The following ODR4 variants were observed in gnomAD, a reference collection of about 807,000 sequenced individuals.
The protein encoded by ODR4 is protein odr-4 homolog.
Under a neutral mutation model 60.2 loss-of-function variants are expected in ODR4, and 47 were observed. The ratio of observed to expected loss-of-function variants is 0.78; its 90% CI spans 0.62 to 1.00. The LOEUF is 1.00. Among genes scored for constraint, ODR4 ranks in the 50% least tolerant of loss-of-function variants. The pLI is 0.00. For synonymous variants in ODR4, 178 were observed against 175.5 expected (o/e 1.01, Z -0.11); for missense variants, 488 against 530.8 (o/e 0.92, Z 0.79).
At chr1:186,392,785 T>G (rs887620287) in intron 8 of ODR4, among the ~76,000 whole-genome samples, 6 of 152,122 alleles carry the variant, frequency 3.9e-5, no homozygotes, top group African/African-American at 1.4e-4. Context: ...GGCAGATCAC[T>G]TGAGGTCAGG....
In ODR4 at chr1:186,393,811, T is replaced by C; in HGVS notation, c.712-136T>C. ...TACAGAATACATAAAGTAATATCTA[T>C]ATAAAAAGCTAAATTAAAATAATTA... On this transcript the variant is annotated intron_variant, in intron 8 of 13. Transcript: ENST00000287859. 4.9e-6 allele frequency: 3 copies of C among 611,444 alleles called. 1 individual carries two copies. The South Asian group carries it at 5.9e-5, about 12-fold the overall frequency. 37.9% of individuals were successfully genotyped at this position (611,444 alleles called of 1,614,324 possible).
chr1:186,418,762 C>G (rs1024285333), intron 13 of ODR4, among the ~76,000 whole-genome samples: 1 of 152,182 alleles, frequency 6.6e-6, no homozygotes, highest in Non-Finnish European at 1.5e-5. Flanking sequence ...AGATACGTCT[C>G]AGTGCACATG....
At chr1:186,399,222 TTAGAC>T (rs1262129654) in intron 11 of ODR4, 178 bp downstream of exon 11, 5 of 605,790 alleles carry the variant, frequency 8.3e-6, no homozygotes, top group African/African-American at 3.7e-5. Context: ...TTTTTTTTTT[TTAGAC>T]AGAGTCTCAC....
intron 3 of ODR4, among the ~76,000 whole-genome samples, chr1:186,385,738 T>C (rs1660227789): frequency 1.3e-5 from 2 of 152,164 alleles, no homozygotes; most frequent in Non-Finnish European, 2.9e-5. Context: ...GTCTGAAATA[T>C]CAATCTAAAA....
At chr1:186,376,612 G>A (rs557213001) in intron 1 of ODR4, among the ~76,000 whole-genome samples, 2 of 152,266 alleles carry the variant, frequency 1.3e-5, no homozygotes, top group South Asian at 4.1e-4. Flanking sequence ...ATAAATGGAA[G>A]CATTTTATGA....
intron 9 of ODR4, 69 bp from the exon 10 acceptor site, chr1:186,398,244 T>C (rs1288815954): frequency 1.5e-6 from 2 of 1,351,300 alleles, no homozygotes; most frequent in Admixed American, 2.6e-5. Context: ...ATCGCTAATA[T>C]AATGTTTAAA....
chr1:186,402,249 C>A (rs61810297), intron 11 of ODR4, among the ~76,000 whole-genome samples: 473 of 19,210 alleles, frequency 0.025, 1 homozygote, highest in Non-Finnish European at 0.041. Flanking sequence ...CTTTCTTTCT[C>A]TTCTTTTCCC....
chr1:186,400,140 C>T (rs1348739108), intron 11 of ODR4, among the ~76,000 whole-genome samples: 5 of 150,802 alleles, frequency 3.3e-5, no homozygotes, highest in South Asian at 2.1e-4. Context: ...TACAGGCACG[C>T]GCCACCATGC....
chr1:186,387,822 C>G (rs1354945777), intron 4 of ODR4, among the ~76,000 whole-genome samples: 1 of 152,164 alleles, frequency 6.6e-6, no homozygotes, highest in Non-Finnish European at 1.5e-5. Context: ...CCCCTTACAT[C>G]AAGTATGCAT....
Position 186,381,415 on chromosome 1 carries a change from C to CT in ODR4, c.99+1531_99+1532insT, listed in dbSNP as rs1178043472. Among the ~76,000 whole-genome samples, 12 of 152,044 alleles carry CT rather than the reference C, an allele frequency of 7.9e-5. No homozygotes were observed. In the South Asian group the frequency reaches 2.1e-3, roughly 26 times the overall value. ...AATCTCGGCTCACTGCAGGCTCCGCCCCCTGGGGTTCACGCCATTCTCCTG... is the reference window on the plus strand; with the variant it reads ...AATCTCGGCTCACTGCAGGCTCCGCCTCCCTGGGGTTCACGCCATTCTCCTG... On this transcript the variant is annotated intron_variant, in intron 2 of 13. Transcript: ENST00000287859.
At chr1:186,406,635 A>C (rs1661183600) in intron 12 of ODR4, among the ~76,000 whole-genome samples, 1 of 152,144 alleles carries the variant, frequency 6.6e-6, no homozygotes, top group African/African-American at 2.4e-5. Context: ...TCATGTCAGA[A>C]CAGAAGGTTT....
In ODR4 at chr1:186,375,992, TA is replaced by T. The variant is rs1197564430; in HGVS notation, c.-20+19del. 70 of 100,708 alleles carry T rather than the reference TA, an allele frequency of 7.0e-4. No homozygotes were observed. Among genetic ancestry groups the T allele is most frequent in the Non-Finnish European group, 1.3e-3 (57 of 45,434 alleles). 6.2% of individuals were successfully genotyped at this position (100,708 alleles called of 1,614,324 possible). ...GAAAACAGGTAAGTCAGCCTAAGTG[TA>T]GTGTGTGTGTGTGTGTGTGTGTGTG... On this transcript the variant is annotated intron_variant, in intron 1 of 13. Transcript: ENST00000287859.
At chr1:186,411,763 T>C in intron 12 of ODR4, 1 of 495,618 alleles carries the variant, frequency 2.0e-6, no homozygotes, top group Non-Finnish European at 2.6e-6. Flanking sequence ...TTTCACACTG[T>C]ATTTAAAAAT....
chr1:186,386,495 T>C (rs1660256679), intron 4 of ODR4, among the ~76,000 whole-genome samples: 1 of 152,136 alleles, frequency 6.6e-6, no homozygotes, highest in African/African-American at 2.4e-5. Context: ...TAATTCATTG[T>C]AAAATATTGA....
chr1:186,416,266 T>C (rs902489015), intron 12 of ODR4, among the ~76,000 whole-genome samples: 1 of 152,204 alleles, frequency 6.6e-6, no homozygotes, highest in Admixed American at 6.5e-5. Context: ...CTGGGCATGG[T>C]GGCTCACACC....
chr1:186,380,152 A>G (rs1659970368), intron 2 of ODR4, among the ~76,000 whole-genome samples: 1 of 152,194 alleles, frequency 6.6e-6, no homozygotes, highest in South Asian at 2.1e-4. Flanking sequence ...TCAGAATTAG[A>G]ATGTTTATTG....
At chr1:186,431,191 C>T in the ODR4 span, among the ~76,000 whole-genome samples, 1 of 152,118 alleles carries the variant, frequency 6.6e-6, no homozygotes, top group Non-Finnish European at 1.5e-5. Context: ...AAGATAATCT[C>T]ATCTGATGCT....
chr1:186,401,219 CT>C, intron 11 of ODR4: 1 of 1,513,922 alleles, frequency 6.6e-7, no homozygotes, highest in East Asian at 2.3e-5. Flanking sequence ...TTAATGGCCC[CT>C]AACAGCAGTT....
the ODR4 span, among the ~76,000 whole-genome samples, chr1:186,429,722 TATA>T: frequency 6.6e-6 from 1 of 151,114 alleles, no homozygotes; most frequent in Non-Finnish European, 1.5e-5. Flanking sequence ...CCTATTATAA[TATA>T]ATGTCATTAT....
Sources: gnomAD v4.1 joint callset for allele counts (sites outside exome capture counted in the v4.1 genomes callset) on GRCh38, gnomAD v4.1.1 for gene constraint, MANE v1.5 for transcripts, NCBI Gene and HGNC (gene_info 2026-07-23, HGNC 2026-07-21) for gene names.